CLYBL: variants seen among roughly 807,000 people sequenced by gnomAD.
The protein encoded by CLYBL is citramalyl-CoA lyase, also known as citramalyl-CoA lyase, mitochondrial.
A neutral mutation model predicts 38.9 loss-of-function variants in CLYBL; 31 were observed. That is an observed-to-expected ratio of 0.80 (90% CI 0.60 to 1.08). The LOEUF is 1.08. CLYBL is among the 50% of genes least tolerant of loss of function. CLYBL has a pLI of 0.00. For missense variants in CLYBL, 434 were observed against 411.6 expected (o/e 1.05, Z -0.47); for synonymous variants, 171 against 158.6 (o/e 1.08, Z -0.59).
chr13:99,724,880 G>C (rs866433388), intron 1 of CLYBL, among the ~76,000 whole-genome samples: 1 of 152,330 alleles, frequency 6.6e-6, no homozygotes, highest in East Asian at 1.9e-4. Context: ...AGGGCGTGTC[G>C]TTGGGGTCAC....
rs1184883244 is a variant in CLYBL at position 99,856,580 on chromosome 13, C to T, written c.250-2281C>T. 2.6e-5 allele frequency among the ~76,000 whole-genome samples: 4 copies of T among 152,074 alleles called. No homozygotes were observed. The East Asian group carries it at 5.8e-4, about 22-fold the overall frequency. On this transcript the variant is annotated intron_variant, in intron 2 of 8. Transcript: ENST00000339105. ...CAGAGAAGAACATGCTTTAGGTTCTCCACAGCCATGGATCTAAATGTGCCT... is the reference window on the plus strand; with the variant it reads ...CAGAGAAGAACATGCTTTAGGTTCTTCACAGCCATGGATCTAAATGTGCCT...
At chr13:99,897,945 AAAAGAAAG>A (rs113879061), downstream of CLYBL, among the ~76,000 whole-genome samples, 8 of 151,826 alleles carry the variant, frequency 5.3e-5, no homozygotes, top group Non-Finnish European at 1.0e-4. Context: ...CGTCTCAAAA[AAAAGAAAG>A]AAAGAAAGAA....
chr13:99,617,929 A>C (rs770198546), intron 1 of CLYBL, among the ~76,000 whole-genome samples: 8 of 152,058 alleles, frequency 5.3e-5, no homozygotes, highest in Non-Finnish European at 7.4e-5. Context: ...CACCCTGTAC[A>C]ACATAGCCTC....
At chr13:99,717,897 C>T (rs538429651) in intron 1 of CLYBL, among the ~76,000 whole-genome samples, 1 of 152,282 alleles carries the variant, frequency 6.6e-6, no homozygotes, top group African/African-American at 2.4e-5. Context: ...AGGATCACTT[C>T]AGATTTCCTA....
At chr13:99,651,759 G>A (rs1354062671) in intron 1 of CLYBL, among the ~76,000 whole-genome samples, 5 of 150,512 alleles carry the variant, frequency 3.3e-5, no homozygotes, top group Non-Finnish European at 7.4e-5. Flanking sequence ...GTGAAACCCC[G>A]TCTCTACTAA....
At chr13:99,652,146 G>T (rs529764290) in intron 1 of CLYBL, among the ~76,000 whole-genome samples, 70 of 152,294 alleles carry the variant, frequency 4.6e-4, no homozygotes, top group African/African-American at 1.7e-3. Flanking sequence ...CAGGATGCAG[G>T]CTCCAGGGAG....
intron 1 of CLYBL, among the ~76,000 whole-genome samples, chr13:99,731,856 A>T (rs573904847): frequency 1.8e-4 from 28 of 152,226 alleles, no homozygotes; most frequent in Admixed American, 8.5e-4. Context: ...GAATGGTTTC[A>T]CTTAGCTTTC....
intron 1 of CLYBL, among the ~76,000 whole-genome samples, chr13:99,666,050 G>T (rs2047476681): frequency 6.6e-6 from 1 of 152,150 alleles, no homozygotes; most frequent in Admixed American, 6.5e-5. Context: ...AGGAGCTCAG[G>T]GAGAGTAAGA....
chr13:99,833,902 G>A (rs7338007), intron 2 of CLYBL, among the ~76,000 whole-genome samples: 106,545 of 151,448 alleles, frequency 0.7, 38,148 homozygotes, highest in African/African-American at 0.83. Context: ...GGGTTTCACT[G>A]TGTTGGCCAG....
intron 1 of CLYBL, among the ~76,000 whole-genome samples, chr13:99,651,615 G>A (rs904024627): frequency 6.6e-6 from 1 of 151,366 alleles, no homozygotes; most frequent in African/African-American, 2.4e-5. Context: ...GGAATTCTGG[G>A]TTGTGGCTTT....
chr13:99,687,272 A>T (rs1000109349), intron 1 of CLYBL, among the ~76,000 whole-genome samples: 12 of 152,186 alleles, frequency 7.9e-5, no homozygotes, highest in Non-Finnish European at 1.6e-4. Context: ...ATGAAGCGGG[A>T]AACCTTTTAT....
At chr13:99,873,983 T>C (rs2051973570) in intron 7 of CLYBL, among the ~76,000 whole-genome samples, 2 of 152,198 alleles carry the variant, frequency 1.3e-5, no homozygotes, top group Admixed American at 1.3e-4. Flanking sequence ...TCAGCTCATA[T>C]CATCTGTCCC....
At chr13:99,639,460 T>A (rs2047065014) in intron 1 of CLYBL, among the ~76,000 whole-genome samples, 1 of 152,164 alleles carries the variant, frequency 6.6e-6, no homozygotes, top group Non-Finnish European at 1.5e-5. Flanking sequence ...ACATAAGCAT[T>A]TAGAGTCATT....
intron 2 of CLYBL, among the ~76,000 whole-genome samples, chr13:99,800,263 A>C (rs2050105836): frequency 6.6e-6 from 1 of 152,146 alleles, no homozygotes; most frequent in Non-Finnish European, 1.5e-5. Flanking sequence ...GCCAGACCAC[A>C]TGACTTCAGC....
At chr13:99,764,835 C>A (rs2049236208) in intron 1 of CLYBL, among the ~76,000 whole-genome samples, 1 of 151,608 alleles carries the variant, frequency 6.6e-6, no homozygotes. Flanking sequence ...CATGCACCAC[C>A]ATGCCTGGCT....
At chr13:99,659,067 C>T (rs548306042) in intron 1 of CLYBL, among the ~76,000 whole-genome samples, 1 of 152,330 alleles carries the variant, frequency 6.6e-6, no homozygotes, top group South Asian at 2.1e-4. Context: ...TATATCACAT[C>T]TGTTTTTATG....
intron 2 of CLYBL, among the ~76,000 whole-genome samples, chr13:99,847,560 C>T (rs1295393664): frequency 2.6e-5 from 4 of 152,280 alleles, no homozygotes; most frequent in South Asian, 2.1e-4. Context: ...CCGGGCTAAG[C>T]GAGACCAATT....
chr13:99,836,484 A>G (rs72653983), intron 2 of CLYBL, among the ~76,000 whole-genome samples: 9,000 of 152,270 alleles, frequency 0.059, 303 homozygotes, highest in East Asian at 0.17. Flanking sequence ...ATAGGCCCGC[A>G]CCAAATGCAG....
At chr13:99,807,790 A>T (rs2050261153) in intron 2 of CLYBL, among the ~76,000 whole-genome samples, 1 of 152,340 alleles carries the variant, frequency 6.6e-6, no homozygotes, top group South Asian at 2.1e-4. Flanking sequence ...AGTAAATTTT[A>T]TGTTAGGTAT....
Sources: gnomAD v4.1 joint callset for allele counts (sites outside exome capture counted in the v4.1 genomes callset) on GRCh38, gnomAD v4.1.1 for gene constraint, MANE v1.5 for transcripts, NCBI Gene and HGNC (gene_info 2026-07-23, HGNC 2026-07-21) for gene names.